Variants in CASD1 observed in about 807,000 individuals in gnomAD.
CASD1 encodes the protein N-acetylneuraminate (7)9-O-acetyltransferase.
Under a neutral mutation model 100.0 loss-of-function variants are expected in CASD1, and 41 were observed. The observed-to-expected ratio is 0.41, with a 90% confidence interval of 0.32 to 0.53. The LOEUF (loss-of-function observed/expected upper bound fraction) is 0.53. CASD1 is among the 20% of genes least tolerant of loss of function. The probability of loss-of-function intolerance (pLI) is 0.25; values close to 1 mark genes in which losing one functional copy is unlikely to be tolerated. For missense variants in CASD1, 774 were observed against 948.7 expected, an observed-to-expected ratio of 0.82 and a Z score of 2.42; for synonymous variants, 321 against 315.6, an observed-to-expected ratio of 1.02 and a Z score of -0.18.
the CASD1 span, among the ~76,000 whole-genome samples, chr7:94,594,108 A>T: frequency 6.6e-6 from 1 of 151,980 alleles, no homozygotes; most frequent in Non-Finnish European, 1.5e-5. Flanking sequence ...TTGGAATTAA[A>T]TTTTTTTCAT....
intron 3 of CASD1, chr7:94,524,372 G>A (rs953833429): frequency 6.6e-6 from 1 of 152,008 alleles, no homozygotes; most frequent in Non-Finnish European, 1.5e-5. Flanking sequence ...AGATAACCCA[G>A]TAGACAAAAG....
the CASD1 span, among the ~76,000 whole-genome samples, chr7:94,606,453 C>T: frequency 6.5e-4 from 99 of 152,266 alleles, no homozygotes; most frequent in African/African-American, 2.2e-3. Flanking sequence ...GTATATGCCT[C>T]ATAACAGTGC....
intron 7 of CASD1, among the ~76,000 whole-genome samples, chr7:94,534,634 C>T (rs1038780503): frequency 6.6e-6 from 1 of 151,974 alleles, no homozygotes; most frequent in Admixed American, 6.6e-5. Context: ...ATGCCTAGCA[C>T]AATATGAAAT....
rs1407308405 is a variant in CASD1 at position 94,524,906 on chromosome 7, AAG to A, written c.352-2253_352-2252del. 2.6e-5 allele frequency among the ~76,000 whole-genome samples: 4 copies of A among 152,180 alleles called. No individual in the cohort carries two copies. The East Asian group carries it at 7.7e-4, about 29-fold the overall frequency. On this transcript the variant is annotated intron_variant, in intron 3 of 17. Coordinates refer to ENST00000297273, the MANE Select transcript of CASD1 (RefSeq NM_022900.5). Reference sequence around the variant, plus strand: ...TTAATTGGATTGTAGATTAAAATATAAGAGCTATATAAAGGATATTCTTGAGA... The same window carrying A: ...TTAATTGGATTGTAGATTAAAATATAAGCTATATAAAGGATATTCTTGAGA...
the CASD1 span, chr7:94,600,903 CATT>C: frequency 2.8e-6 from 4 of 1,454,216 alleles, no homozygotes; most frequent in Non-Finnish European, 2.9e-6. Flanking sequence ...TCGTTGCAAA[CATT>C]ATGAGATTTT....
At position 94,528,180 on chromosome 7, in the gene CASD1, T is replaced by C. The variant is rs1794668510; in HGVS notation, c.397-8T>C. On this transcript the variant is annotated splice_polypyrimidine_tract_variant and splice_region_variant and intron_variant, in intron 4 of 17. Transcript: ENST00000297273. ...ACTTTTTCTTTACTTCTAACATTTC[T>C]CTTTTAGGATTTTCTGTGGCATCCT... is the stretch of plus-strand genomic sequence containing the variant. The C allele has an allele frequency of 6.3e-7, 1 of 1,592,610 alleles. No homozygotes were observed. Among genetic ancestry groups the C allele is most frequent in the Admixed American group, 1.7e-5 (1 of 58,432 alleles).
chr7:94,607,463 A>T, the CASD1 span, among the ~76,000 whole-genome samples: 11 of 152,354 alleles, frequency 7.2e-5, no homozygotes, highest in African/African-American at 2.6e-4. Context: ...ACAATGATCA[A>T]CTGGGACTTT....
the CASD1 span, among the ~76,000 whole-genome samples, chr7:94,562,150 A>C: frequency 1.3e-5 from 2 of 152,278 alleles, no homozygotes; most frequent in Admixed American, 1.3e-4. Context: ...TCTTAGGTAC[A>C]TTGTGAGTTG....
At chr7:94,592,060 A>G in the CASD1 span, among the ~76,000 whole-genome samples, 1 of 152,184 alleles carries the variant, frequency 6.6e-6, no homozygotes, top group African/African-American at 2.4e-5. Flanking sequence ...ATTGGGTACA[A>G]CCTATCTCCT....
At chr7:94,632,460 C>T in the CASD1 span, among the ~76,000 whole-genome samples, 12 of 152,108 alleles carry the variant, frequency 7.9e-5, no homozygotes, top group Non-Finnish European at 1.8e-4. Context: ...ACTCAATTGC[C>T]TTTCAGCAAT....
At position 94,517,641 on chromosome 7, in the gene CASD1, A is replaced by G; in HGVS notation, c.215A>G (p.His72Arg). 1 of 1,600,756 alleles carries G rather than the reference A, an allele frequency of 6.2e-7. No individual in the cohort carries two copies. The highest frequency in any genetic ancestry group is 2.2e-5 in the East Asian group (1 of 44,798). Reference protein sequence around the residue: ...KVWQPHSCMMHKYKISEAKNC... With the variant: ...KVWQPHSCMMRKYKISEAKNC... ...TGGCAACCTCACAGTTGTATGATGCATAAATACAAAATCAGGTAACATTTC... is the reference window on the plus strand; with the variant it reads ...TGGCAACCTCACAGTTGTATGATGCGTAAATACAAAATCAGGTAACATTTC... The change falls in exon 2 of 18, where the codon CAT becomes CGT. Residue 72 changes from histidine (H) to arginine (R), a missense_variant. By Grantham distance (29) the His-to-Arg change is conservative. Around this residue, in one of 5 missense-constraint regions of CASD1, gnomAD observed 61 missense variants for 115.9 expected, o/e 0.53. Coordinates refer to ENST00000297273, the MANE Select transcript of CASD1 (RefSeq NM_022900.5).
Position 94,527,194 on chromosome 7 carries a change from A to G in CASD1, c.384A>G (p.Ala128=). 1 of 1,609,626 alleles carries G rather than the reference A, an allele frequency of 6.2e-7. No homozygotes were observed. The highest frequency in any genetic ancestry group is 2.2e-5 in the East Asian group (1 of 44,728). The change falls in exon 4 of 18, where the codon GCA becomes GCG. Residue 128 remains alanine, a synonymous_variant. Transcript: ENST00000297273. ...ACATTCCTTTTGAAGACAAGACTGCATCAGTTAAAGTGGTAAGTTCATGTA... is the reference window on the plus strand; with the variant it reads ...ACATTCCTTTTGAAGACAAGACTGCGTCAGTTAAAGTGGTAAGTTCATGTA... ...HENIPFEDKT[A]SVKVDFLWHP... is the part of the protein sequence containing the mutation.
intron 10 of CASD1, among the ~76,000 whole-genome samples, chr7:94,540,465 A>T (rs1306968116): frequency 6.6e-6 from 1 of 152,180 alleles, no homozygotes; most frequent in Non-Finnish European, 1.5e-5. Context: ...TATTATTTTC[A>T]AAAATTATTT....
the CASD1 span, chr7:94,603,294 G>A: frequency 6.2e-7 from 1 of 1,611,164 alleles, no homozygotes; most frequent in Non-Finnish European, 8.5e-7. Flanking sequence ...ACTTACCAAT[G>A]AAATTTTGCA....
At chr7:94,598,187 C>A in the CASD1 span, 1 of 159,534 alleles carries the variant, frequency 6.3e-6, no homozygotes, top group South Asian at 1.8e-4. Context: ...TTTCCTCACC[C>A]CTCACCCTTG....
intron 5 of CASD1, among the ~76,000 whole-genome samples, chr7:94,532,078 T>G (rs1262785010): frequency 6.6e-6 from 1 of 152,156 alleles, no homozygotes; most frequent in Non-Finnish European, 1.5e-5. Context: ...AATATAATTG[T>G]ACTGTAATAT....
the CASD1 span, among the ~76,000 whole-genome samples, chr7:94,604,963 C>T: frequency 3.3e-5 from 5 of 150,750 alleles, no homozygotes; most frequent in Non-Finnish European, 5.9e-5. Flanking sequence ...GGTCCTGAGG[C>T]ATAGGTTCAC....
At chr7:94,551,672 C>G in intron 15 of CASD1, 194 bp downstream of exon 15, 1 of 236,592 alleles carries the variant, frequency 4.2e-6, no homozygotes, top group Non-Finnish European at 7.9e-6. Flanking sequence ...TGTAGAATAT[C>G]TTAAGGACAC....
At chr7:94,603,327 C>A in the CASD1 span, 11 of 1,612,454 alleles carry the variant, frequency 6.8e-6, no homozygotes, top group Non-Finnish European at 5.1e-6. Flanking sequence ...AAATTGAGTA[C>A]GAAATTTTTT....
Sources: gnomAD v4.1 joint callset for allele counts (sites outside exome capture counted in the v4.1 genomes callset) on GRCh38, gnomAD v4.1.1 for gene constraint, gnomAD v4.1.1 regional missense constraint, MANE v1.5 for transcripts, NCBI Gene and HGNC (gene_info 2026-07-23, HGNC 2026-07-21) for gene names.